The following TCF7 variants were observed in gnomAD, a reference collection of about 807,000 sequenced individuals.
TCF7 encodes T-cell-factor-7.
In TCF7, 19 loss-of-function variants were observed where a neutral mutation model predicts 46.8. The ratio of observed to expected loss-of-function variants is 0.41; its 90% CI spans 0.28 to 0.60. The LOEUF (loss-of-function observed/expected upper bound fraction) is 0.60, where lower values mean the gene tolerates loss of function less well. Ranked by LOEUF, TCF7 falls within the 20% of genes least tolerant of loss-of-function variation. TCF7 has a pLI of 0.35. For synonymous variants in TCF7, 245 were observed against 213.4 expected (o/e 1.15, Z -1.29); for missense variants, 547 against 504.6 (o/e 1.08, Z -0.81).
chr5:134,141,015 T>C (rs1759670122), intron 5 of TCF7: 2 of 325,976 alleles, frequency 6.1e-6, no homozygotes, highest in Non-Finnish European at 1.2e-5. Flanking sequence ...GTCTGTCATT[T>C]TGCAGCCCCC....
At chr5:134,142,597 G>C in intron 6 of TCF7, 124 bp from the exon 7 acceptor site, 1 of 1,313,094 alleles carries the variant, frequency 7.6e-7, no homozygotes. Flanking sequence ...AGCTAGGAAA[G>C]ATTCCACTTA....
At chr5:134,120,487 C>A (rs1756417002) in intron 3 of TCF7, among the ~76,000 whole-genome samples, 1 of 152,220 alleles carries the variant, frequency 6.6e-6, no homozygotes, top group African/African-American at 2.4e-5. Flanking sequence ...ATCACCTGCA[C>A]CAGCCTCTTG....
chr5:134,142,101 A>G (rs945979596), intron 5 of TCF7, 84 bp from the exon 6 acceptor site: 14 of 1,580,880 alleles, frequency 8.9e-6, no homozygotes, highest in Non-Finnish European at 1.1e-5. Context: ...TCCTCAAGTT[A>G]TGTATTATGC....
At chr5:134,121,456 C>T (rs929967719) in intron 3 of TCF7, among the ~76,000 whole-genome samples, 6 of 151,968 alleles carry the variant, frequency 3.9e-5, no homozygotes, top group East Asian at 3.9e-4. Flanking sequence ...TGGTGGCACA[C>T]GCCTGTAATC....
chr5:134,136,215 T>G (rs1203594291), intron 3 of TCF7, among the ~76,000 whole-genome samples: 1 of 152,090 alleles, frequency 6.6e-6, no homozygotes, highest in Non-Finnish European at 1.5e-5. Flanking sequence ...CTGATGGGAA[T>G]GAGACAGGGT....
intron 2 of TCF7, chr5:134,115,610 C>T (rs1040622933): frequency 9.8e-6 from 14 of 1,432,592 alleles, no homozygotes; most frequent in South Asian, 3.0e-5. Flanking sequence ...CCCCGCCATC[C>T]CCGCCTCCCC....
chr5:134,137,825 T>C lies in TCF7; in HGVS notation c.442-234T>C, dbSNP rs77611865. 1.8e-3 allele frequency: 708 copies of C among 392,716 alleles called. 7 individuals carry two copies. The highest frequency in any genetic ancestry group is 0.013 in the African/African-American group (628 of 48,268). 24.3% of individuals were successfully genotyped at this position (392,716 alleles called of 1,614,324 possible). A position where few individuals can be genotyped will look rare whatever the true frequency, so the allele number is the denominator to read the frequency against. Reference sequence around the variant, plus strand: ...ACAGGGGAGACGCACCTCCAGGAATTGAGTGCCCAGAAAGACCAAGAGGCT... The same window carrying C: ...ACAGGGGAGACGCACCTCCAGGAATCGAGTGCCCAGAAAGACCAAGAGGCT... On this transcript the variant is annotated intron_variant, in intron 3 of 9. Transcript: ENST00000342854.
chr5:134,111,205 T>G (rs960724860), upstream of TCF7, among the ~76,000 whole-genome samples: 1 of 152,192 alleles, frequency 6.6e-6, no homozygotes, highest in South Asian at 2.1e-4. Flanking sequence ...AACTTAAGAC[T>G]GCCCAAATCT....
intron 3 of TCF7, among the ~76,000 whole-genome samples, chr5:134,132,522 T>C (rs1006704580): frequency 1.3e-5 from 2 of 152,154 alleles, no homozygotes; most frequent in African/African-American, 4.8e-5. Context: ...CCCCACAGGC[T>C]TGAGGCCAGA....
rs188854517 is a variant in TCF7 at position 134,145,637 on chromosome 5, A to G, written c.1076-587A>G. On this transcript the variant is annotated intron_variant, in intron 9 of 9. Transcript: ENST00000342854. Reference sequence around the variant, plus strand: ...AGTGTACCCACCACACTCCCTGTCCAAGGGCAAGGAGGAGTTTGGGGTGTG... The same window carrying G: ...AGTGTACCCACCACACTCCCTGTCCGAGGGCAAGGAGGAGTTTGGGGTGTG... 7.3e-4 allele frequency: 893 copies of G among 1,228,630 alleles called. 10 individuals are homozygous for G. In the African/African-American group the frequency reaches 0.012, roughly 16 times the overall value. 76.1% of individuals were successfully genotyped at this position (1,228,630 alleles called of 1,614,324 possible).
upstream of TCF7, among the ~76,000 whole-genome samples, chr5:134,114,092 C>G (rs1755466279): frequency 6.6e-6 from 1 of 152,168 alleles, no homozygotes; most frequent in Non-Finnish European, 1.5e-5. Flanking sequence ...AAGCTCTGCA[C>G]GCAACAGGAG....
intron 4 of TCF7, 119 bp from the exon 5 acceptor site, chr5:134,138,832 G>A: frequency 2.1e-6 from 3 of 1,454,506 alleles, no homozygotes; most frequent in South Asian, 2.7e-5. Context: ...TTTATGTCTG[G>A]TCCTCTAGCA....
At chr5:134,127,492 G>C (rs1415070835) in intron 3 of TCF7, among the ~76,000 whole-genome samples, 1 of 152,248 alleles carries the variant, frequency 6.6e-6, no homozygotes, top group East Asian at 1.9e-4. Flanking sequence ...CTCAGTGCCT[G>C]CTGTTGGACT....
At chr5:134,145,336 G>T in intron 9 of TCF7, 2 of 541,742 alleles carry the variant, frequency 3.7e-6, no homozygotes, top group South Asian at 1.4e-5. Flanking sequence ...CCATCTGGTT[G>T]CCAGGTAGCC....
chr5:134,128,543 C>T (rs1757663322), intron 3 of TCF7, among the ~76,000 whole-genome samples: 2 of 151,690 alleles, frequency 1.3e-5, no homozygotes, highest in Admixed American at 1.3e-4. Flanking sequence ...GCAGGACTGT[C>T]CTCCTAGGGC....
chr5:134,112,408 G>A (rs1010935041), upstream of TCF7, among the ~76,000 whole-genome samples: 1 of 152,296 alleles, frequency 6.6e-6, no homozygotes, highest in Middle Eastern at 3.4e-3. Context: ...CCCTTAGCAA[G>A]CCTTCAGACT....
chr5:134,110,611 T>C (rs1460679099), upstream of TCF7, among the ~76,000 whole-genome samples: 3 of 152,226 alleles, frequency 2.0e-5, no homozygotes, highest in Non-Finnish European at 4.4e-5. Context: ...GGATGCTCCA[T>C]GGGAAGTGCT....
At chr5:134,145,186 AAG>A in intron 9 of TCF7, 1 of 598,018 alleles carries the variant, frequency 1.7e-6, no homozygotes, top group Non-Finnish European at 3.2e-6. Flanking sequence ...AGCCACCACT[AAG>A]GGGGCCTGGA....
intron 3 of TCF7, among the ~76,000 whole-genome samples, chr5:134,133,580 G>T (rs1213859527): frequency 6.6e-6 from 1 of 152,162 alleles, no homozygotes; most frequent in African/African-American, 2.4e-5. Context: ...CAGGCCCTGT[G>T]CTAGACGGTT....
Sources: gnomAD v4.1 joint callset for allele counts (sites outside exome capture counted in the v4.1 genomes callset) on GRCh38, gnomAD v4.1.1 for gene constraint, MANE v1.5 for transcripts, NCBI Gene and HGNC (gene_info 2026-07-23, HGNC 2026-07-21) for gene names.